The following KAT7 variants were observed in gnomAD, a reference collection of about 807,000 sequenced individuals.
The protein encoded by KAT7 is histone acetyltransferase KAT7.
KAT7 carries 10 observed loss-of-function variants against 82.1 expected under a neutral mutation model. The ratio of observed to expected loss-of-function variants is 0.12; its 90% CI spans 0.08 to 0.21. The LOEUF (loss-of-function observed/expected upper bound fraction) is 0.21. Among genes scored for constraint, KAT7 ranks in the 10% least tolerant of loss-of-function variants. The pLI is 1.00. For missense variants in KAT7, 378 were observed against 760.9 expected (o/e 0.50, Z 5.92); for synonymous variants, 250 against 262.5 (o/e 0.95, Z 0.46).
At chr17:49,792,101 C>T in intron 2 of KAT7, 68 bp downstream of exon 2, 1 of 1,502,958 alleles carries the variant, frequency 6.7e-7, no homozygotes. Context: ...CATTATTTTC[C>T]TAGTTAATGT....
At chr17:49,815,717 T>C in intron 7 of KAT7, 86 bp from the exon 8 acceptor site, 2 of 814,476 alleles carry the variant, frequency 2.5e-6, no homozygotes, top group Non-Finnish European at 4.3e-6. Context: ...TATGGTTGTG[T>C]GGTTTGCATG....
At chr17:49,800,248 T>C (rs2074008052) in intron 4 of KAT7, among the ~76,000 whole-genome samples, 1 of 152,078 alleles carries the variant, frequency 6.6e-6, no homozygotes, top group African/African-American at 2.4e-5. Context: ...CCTGACCTCG[T>C]GATCCGCCCG....
rs756827403 is a variant in KAT7, at chr17:49,821,703, A to G, written c.1299A>G (p.Thr433=). 1.1e-5 allele frequency: 18 copies of G among 1,613,940 alleles called. No individual in the cohort carries two copies. The East Asian group carries it at 2.2e-4, about 20-fold the overall frequency. Residue 433 remains threonine, a synonymous_variant, in exon 11 of 15, where the codon ACA becomes ACG. Transcript: ENST00000259021. ...LLAKLFLDHK[T]LYYDVEPFLF... is the part of the protein sequence containing the mutation. The stretch of plus-strand genomic sequence containing the variant: ...CCAAACTTTTTCTGGACCACAAGAC[A>G]TTATATTATGATGTGGAGCCCTTCC...
intron 12 of KAT7, 152 bp downstream of exon 12, chr17:49,823,447 A>G (rs1432514498): frequency 1.2e-5 from 7 of 600,200 alleles, no homozygotes; most frequent in East Asian, 8.6e-5. Context: ...AAACCTGAAC[A>G]TTGTCATTCT....
chr17:49,796,821 C>G lies in KAT7; in HGVS notation c.235C>G (p.Arg79Gly). 6.2e-7 allele frequency: 1 copy of G among 1,613,962 alleles called. No homozygotes were observed. Among genetic ancestry groups the G allele is most frequent in the African/African-American group, 1.3e-5 (1 of 75,000 alleles). The change falls in exon 3 of 15, where the codon CGT becomes GGT. Residue 79 changes from arginine (R) to glycine (G), a missense_variant. Arg to Gly is a moderately radical substitution (Grantham distance 125). Coordinates refer to ENST00000259021, the MANE Select transcript of KAT7 (RefSeq NM_007067.5). ...EPAYSTRRVT[R>G]SQQQPTPVTP... is the part of the protein sequence containing the mutation. ...TGCTTACTCTACCAGAAGAGTGACC[C>G]GTAGTCAGCAGCAGCCTACCCCAGT...
intron 13 of KAT7, 65 bp from the exon 14 acceptor site, chr17:49,826,628 T>C: frequency 9.8e-7 from 1 of 1,019,660 alleles, no homozygotes; most frequent in South Asian, 1.3e-5. Flanking sequence ...AAGTAGACCT[T>C]GGTTGGGGGC....
At chr17:49,789,257 G>C (rs900011783) in intron 1 of KAT7, 10 of 164,952 alleles carry the variant, frequency 6.1e-5, no homozygotes, top group African/African-American at 2.4e-4. Context: ...TTGGCAGTCT[G>C]TCCTGTGGGG....
intron 1 of KAT7, 169 bp downstream of exon 1, chr17:49,789,018 CCTGG>C (rs2073846769): frequency 1.9e-6 from 1 of 529,844 alleles, no homozygotes. Flanking sequence ...TGGGCCCGAC[CCTGG>C]CCTCGGCCTA....
chr17:49,824,618 C>G (rs554592091), intron 12 of KAT7: 1 of 152,320 alleles, frequency 6.6e-6, no homozygotes, highest in Non-Finnish European at 1.5e-5. Context: ...ACCTCAGCCT[C>G]CCAGAGTGCT....
intron 7 of KAT7, 33 bp downstream of exon 7, chr17:49,811,607 A>T: frequency 9.3e-7 from 1 of 1,080,308 alleles, no homozygotes; most frequent in Non-Finnish European, 1.3e-6. Flanking sequence ...ATGAGCATGA[A>T]CTCCTGCTAT....
chr17:49,810,561 G>A (rs1231405564), intron 6 of KAT7, among the ~76,000 whole-genome samples: 1 of 152,080 alleles, frequency 6.6e-6, no homozygotes, highest in Non-Finnish European at 1.5e-5. Context: ...CCAACCTTGG[G>A]TTTTATTCTT....
intron 2 of KAT7, among the ~76,000 whole-genome samples, chr17:49,795,991 A>G (rs1045921235): frequency 6.6e-6 from 1 of 152,072 alleles, no homozygotes. Flanking sequence ...AAAAAAAAGC[A>G]CAAAAAAACT....
Position 49,833,298 on chromosome 17 carries a change from G to T in KAT7, c.*5796G>T, listed in dbSNP as rs2074439005. 6.6e-6 allele frequency: 1 copy of T among 152,172 alleles called. No homozygotes were observed. The highest frequency in any genetic ancestry group is 2.1e-4 in the South Asian group (1 of 4,822). 9.4% of individuals were successfully genotyped at this position (152,172 alleles called of 1,614,324 possible). On this transcript the variant is annotated 3_prime_UTR_variant, in exon 15 of 15. Transcript: ENST00000259021. The stretch of plus-strand genomic sequence containing the variant: ...AAGTCATGTTCATTCCAAGAAACCA[G>T]TCTTTGTTCTTAATTGGACATTTGT...
At chr17:49,790,182 G>C (rs1216671548) in intron 1 of KAT7, among the ~76,000 whole-genome samples, 1 of 151,936 alleles carries the variant, frequency 6.6e-6, no homozygotes, top group Non-Finnish European at 1.5e-5. Flanking sequence ...CTGGTGGGTG[G>C]TATGTATGTG....
intron 2 of KAT7, 44 bp from the exon 3 acceptor site, chr17:49,796,706 G>C: frequency 6.7e-7 from 1 of 1,482,196 alleles, no homozygotes; most frequent in Non-Finnish European, 9.2e-7. Flanking sequence ...AAGTAAAACA[G>C]ATTTCCATCT....
rs545887763 is a variant in KAT7, at chr17:49,833,817, A to G, written c.*6315A>G. The stretch of plus-strand genomic sequence containing the variant: ...AGAGAATTATGAGAATACTGTTTTA[A>G]CCACACGTTTTGGAATGGTTTGATA... On this transcript the variant is annotated 3_prime_UTR_variant, in exon 15 of 15. Transcript: ENST00000259021. 6.6e-6 allele frequency: 1 copy of G among 152,324 alleles called. No homozygotes were observed. Among genetic ancestry groups the G allele is most frequent in the African/African-American group, 2.4e-5 (1 of 41,580 alleles). 9.4% of individuals were successfully genotyped at this position (152,324 alleles called of 1,614,324 possible). A position where few individuals can be genotyped will look rare whatever the true frequency, so the allele number is the denominator to read the frequency against.
chr17:49,788,942 C>A, intron 1 of KAT7, 93 bp downstream of exon 1: 1 of 1,196,710 alleles, frequency 8.4e-7, no homozygotes, highest in Non-Finnish European at 1.1e-6. Flanking sequence ...GCTTGGGTCC[C>A]AACTTTCCGC....
At chr17:49,804,564 C>T (rs2074067895) in intron 4 of KAT7, among the ~76,000 whole-genome samples, 1 of 152,044 alleles carries the variant, frequency 6.6e-6, no homozygotes, top group African/African-American at 2.4e-5. Context: ...TTGCTTGAGT[C>T]CAGGAGTTCA....
chr17:49,809,414 CAGT>C (rs1206832016), intron 6 of KAT7, among the ~76,000 whole-genome samples: 1 of 152,178 alleles, frequency 6.6e-6, no homozygotes, highest in African/African-American at 2.4e-5. Flanking sequence ...ATGCTATCTA[CAGT>C]AGTAGTAATA....
Sources: gnomAD v4.1 joint callset for allele counts (sites outside exome capture counted in the v4.1 genomes callset) on GRCh38, gnomAD v4.1.1 for gene constraint, MANE v1.5 for transcripts, NCBI Gene and HGNC (gene_info 2026-07-23, HGNC 2026-07-21) for gene names.